AK3: variants seen among roughly 807,000 people sequenced by gnomAD.
The protein encoded by AK3 is adenylate kinase 3, also known as GTP:AMP phosphotransferase AK3, mitochondrial.
In AK3, 27 loss-of-function variants were observed where a neutral mutation model predicts 23.7. The observed-to-expected ratio is 1.14, with a 90% CI of 0.84 to 1.57. AK3 has a LOEUF of 1.57. Among genes scored for constraint, AK3 ranks in the 40% most tolerant of loss-of-function variants. The pLI is 0.00. For synonymous variants in AK3, 159 were observed against 116.0 expected (o/e 1.37, Z -2.38); for missense variants, 406 against 285.6 (o/e 1.42, Z -3.04).
At chr9:4,718,650 A>T in intron 3 of AK3, 113 bp from the exon 4 acceptor site, 1 of 782,986 alleles carries the variant, frequency 1.3e-6, no homozygotes, top group Non-Finnish European at 2.0e-6. Context: ...AAGCACAAAA[A>T]TGTGCTAACT....
At chr9:4,731,272 A>G (rs926868520) in intron 1 of AK3, among the ~76,000 whole-genome samples, 1 of 151,338 alleles carries the variant, frequency 6.6e-6, no homozygotes, top group Non-Finnish European at 1.5e-5. Flanking sequence ...CCTCCTCCCC[A>G]CCTCCATCCT....
intron 1 of AK3, among the ~76,000 whole-genome samples, chr9:4,728,416 C>A (rs994022618): frequency 5.9e-5 from 9 of 151,858 alleles, no homozygotes; most frequent in Non-Finnish European, 4.4e-5. Flanking sequence ...ACTAGTAATA[C>A]AAAAATTAGC....
chr9:4,720,568 T>C (rs2130883183), intron 2 of AK3, among the ~76,000 whole-genome samples: 1 of 151,920 alleles, frequency 6.6e-6, no homozygotes, highest in East Asian at 1.9e-4. Flanking sequence ...TGCATGCCTA[T>C]GGTCCCAGCT....
chr9:4,741,432 TG>T (rs968935159), upstream of AK3: 13 of 225,434 alleles, frequency 5.8e-5, no homozygotes, highest in African/African-American at 3.0e-4. Context: ...CACCGGCCGC[TG>T]GGCCCGGATC....
At chr9:4,724,442 G>C (rs1460090521) in intron 1 of AK3, among the ~76,000 whole-genome samples, 1 of 152,094 alleles carries the variant, frequency 6.6e-6, no homozygotes, top group African/African-American at 2.4e-5. Context: ...TATATGAATA[G>C]CTGTAAGAAA....
chr9:4,710,244 G>C lies in AK3; in HGVS notation c.*2732C>G, dbSNP rs1841516770. 6.6e-6 allele frequency: 1 copy of C among 151,942 alleles called. No homozygotes were observed. The highest frequency in any genetic ancestry group is 1.9e-4 in the East Asian group (1 of 5,184). 9.4% of individuals were successfully genotyped at this position (151,942 alleles called of 1,614,324 possible). ...TTTTTTTGAGACGGAGTCTCCCTCT[G>C]TCGCCCAGGCTGGAGTGCAGTGGCA... On this transcript the variant is annotated 3_prime_UTR_variant, in exon 5 of 5. Transcript: ENST00000381809.
At chr9:4,719,602 T>C (rs745343940) in intron 2 of AK3, among the ~76,000 whole-genome samples, 2 of 152,184 alleles carry the variant, frequency 1.3e-5, no homozygotes, top group East Asian at 1.9e-4. Context: ...ATAAAGTACA[T>C]TGCCCTTCTT....
intron 4 of AK3, among the ~76,000 whole-genome samples, chr9:4,713,934 A>ACCTCCACATACACG (rs1841632051): frequency 6.6e-6 from 1 of 150,446 alleles, no homozygotes; most frequent in African/African-American, 2.5e-5. Context: ...ACATATACAC[A>ACCTCCACATACACG]CCTCCACATA....
chr9:4,725,504 C>A (rs1288866119), intron 1 of AK3, among the ~76,000 whole-genome samples: 1 of 152,036 alleles, frequency 6.6e-6, no homozygotes, highest in East Asian at 1.9e-4. Context: ...TGCAGTGGCT[C>A]CTGCCTGTAA....
At chr9:4,723,211 T>C (rs548659078) in intron 1 of AK3, among the ~76,000 whole-genome samples, 40 of 152,380 alleles carry the variant, frequency 2.6e-4, no homozygotes, top group African/African-American at 8.2e-4. Context: ...GTTATTTCTG[T>C]GTGATAGAAT....
chr9:4,739,293 C>T (rs1377650577), intron 1 of AK3, among the ~76,000 whole-genome samples: 1 of 151,442 alleles, frequency 6.6e-6, no homozygotes, highest in Non-Finnish European at 1.5e-5. Context: ...CAGGTTCAAG[C>T]GATTCTCTCT....
chr9:4,737,858 G>A (rs1314182685), intron 1 of AK3, among the ~76,000 whole-genome samples: 1 of 152,170 alleles, frequency 6.6e-6, no homozygotes, highest in East Asian at 1.9e-4. Context: ...AAAGTTTCCA[G>A]TGTCCTTATC....
intron 1 of AK3, among the ~76,000 whole-genome samples, chr9:4,723,043 C>T (rs1438254874): frequency 2.0e-5 from 3 of 150,972 alleles, no homozygotes; most frequent in South Asian, 4.1e-4. Flanking sequence ...TGCACTTCAG[C>T]CTGGGCAACA....
intron 1 of AK3, among the ~76,000 whole-genome samples, chr9:4,740,060 C>CAAAAAAAAAAA (rs1166971578): frequency 8.8e-6 from 1 of 113,344 alleles, no homozygotes; most frequent in Non-Finnish European, 1.8e-5. Flanking sequence ...GCTATCCTTA[C>CAAAAAAAAAAA]AAAAAAAAAA....
chr9:4,721,823 G>C lies in AK3; in HGVS notation c.271+683C>G, dbSNP rs1841904836. On this transcript the variant is annotated intron_variant, in intron 2 of 4. Transcript: ENST00000381809. ...TGCTTATCCAAGTTTTTGTTTACTT[G>C]TTTACTACTTGTCTTCTACTAGAAT... Among the ~76,000 whole-genome samples, 6 of 152,252 alleles carry C rather than the reference G, an allele frequency of 3.9e-5. No individual in the cohort carries two copies. In the South Asian group the frequency reaches 1.2e-3, roughly 32 times the overall value.
At chr9:4,732,116 A>AT (rs34529377) in intron 1 of AK3, among the ~76,000 whole-genome samples, 84,553 of 151,412 alleles carry the variant, frequency 0.56, 25,914 homozygotes, top group East Asian at 0.79. Context: ...TGCCTGGCTA[A>AT]TTTTTTTTAC....
chr9:4,725,843 G>T (rs920403166), intron 1 of AK3, among the ~76,000 whole-genome samples: 2 of 152,266 alleles, frequency 1.3e-5, no homozygotes, highest in Non-Finnish European at 2.9e-5. Context: ...CATTAGGGAA[G>T]TCAAATGAAA....
In AK3 at chr9:4,741,048, C is replaced by A; in HGVS notation, c.40G>T (p.Gly14Trp). Residue 14 changes from glycine (G) to tryptophan (W), a missense_variant, in exon 1 of 5, where the codon GGG becomes TGG. Coordinates refer to ENST00000381809, the MANE Select transcript of AK3 (RefSeq NM_016282.4). ...SARLLRAVIM[G>W]APGSGKGTVS... ...GTGCCCTTGCCCGAGCCCGGGGCCC[C>A]CATGATCACCGCTCGCAGCAGCCGC... The A allele has an allele frequency of 6.4e-7, 1 of 1,570,620 alleles. No homozygotes were observed. The highest frequency in any genetic ancestry group is 1.8e-4 in the Middle Eastern group (1 of 5,554).
Position 4,719,196 on chromosome 9 carries a change from C to A in AK3, c.383G>T (p.Arg128Leu). The A allele has an allele frequency of 1.2e-6, 2 of 1,611,796 alleles. No homozygotes were observed. The highest frequency in any genetic ancestry group is 8.5e-7 in the Non-Finnish European group (1 of 1,179,804). Reference sequence around the variant, plus strand: ...TCGGCCACTGGCGGGATGAATCCAGCGAGCAGTAAGGCGTTGTTTAATGAC... The same window carrying A: ...TCGGCCACTGGCGGGATGAATCCAGAGAGCAGTAAGGCGTTGTTTAATGAC... The part of the protein sequence containing the change: ...FEVIKQRLTA[R>L]WIHPASGRVY... The change falls in exon 3 of 5, where the codon CGC becomes CTC. Residue 128 changes from arginine (R) to leucine (L), a missense_variant. Transcript: ENST00000381809.
Sources: allele counts gnomAD v4.1 joint callset (sites outside exome capture counted in the v4.1 genomes callset), GRCh38; gene constraint gnomAD v4.1.1; transcripts MANE v1.5; gene names NCBI Gene and HGNC (gene_info 2026-07-23, HGNC 2026-07-21).